MOB4: variants seen among roughly 807,000 people sequenced by gnomAD.
MOB4 encodes MOB family member 4, phocein, also known as MOB-like protein phocein.
MOB4 carries 4 observed loss-of-function variants against 32.2 expected under a neutral mutation model. The observed-to-expected ratio is 0.12, with a 90% confidence interval of 0.06 to 0.28. The LOEUF (loss-of-function observed/expected upper bound fraction) is 0.28. Among genes scored for constraint, MOB4 ranks in the 10% least tolerant of loss-of-function variants. MOB4 has a pLI of 1.00. For missense variants in MOB4, 158 were observed against 271.2 expected (o/e 0.58, Z 2.93); for synonymous variants, 88 against 88.1 (o/e 1.00, Z 0.01).
chr2:197,547,092 A>G (rs926526585), intron 5 of MOB4, among the ~76,000 whole-genome samples: 1 of 152,054 alleles, frequency 6.6e-6, no homozygotes, highest in Non-Finnish European at 1.5e-5. Flanking sequence ...TCTTTTTTTT[A>G]AAGAAAATCG....
intron 3 of MOB4, among the ~76,000 whole-genome samples, chr2:197,537,576 C>A (rs2086823773): frequency 6.6e-6 from 1 of 152,166 alleles, no homozygotes; most frequent in Admixed American, 6.5e-5. Flanking sequence ...TTTCAGGATG[C>A]TAAGACTTCT....
chr2:197,553,436 A>T lies in MOB4; in HGVS notation c.*2790A>T, dbSNP rs1013331786. The T allele has an allele frequency of 6.6e-6, 1 of 152,170 alleles. No individual in the cohort carries two copies. The highest frequency in any genetic ancestry group is 2.4e-5 in the African/African-American group (1 of 41,444). The allele number at this position is 152,170 out of a possible 1,614,324, so 9.4% of individuals were successfully genotyped here. ...TCAAAAACTCCGTCTCAAAAAAAAA[A>T]AATCCTTGATTACATTGTTAGTAAG... On this transcript the variant is annotated 3_prime_UTR_variant, in exon 8 of 8. Transcript: ENST00000323303.
intron 2 of MOB4, among the ~76,000 whole-genome samples, chr2:197,526,399 C>T (rs919711364): frequency 6.6e-6 from 1 of 152,286 alleles, no homozygotes; most frequent in East Asian, 1.9e-4. Flanking sequence ...TCACTGCAGC[C>T]TCTGCCACCT....
At chr2:197,526,690 G>C (rs1280348639) in intron 2 of MOB4, among the ~76,000 whole-genome samples, 1 of 152,058 alleles carries the variant, frequency 6.6e-6, no homozygotes, top group Admixed American at 6.6e-5. Flanking sequence ...GGTTTTCTTT[G>C]GTTGCTCAAC....
chr2:197,518,141 C>T (rs1341665360), intron 1 of MOB4, among the ~76,000 whole-genome samples: 1 of 151,686 alleles, frequency 6.6e-6, no homozygotes, highest in Non-Finnish European at 1.5e-5. Context: ...AACTCGGTCT[C>T]AAACAAACAA....
upstream of MOB4, chr2:197,515,936 T>C (rs774793301): frequency 4.0e-4 from 302 of 756,582 alleles, no homozygotes; most frequent in Non-Finnish European, 6.2e-4. Context: ...CCTAGCCCGC[T>C]TCTACCCGGA....
chr2:197,546,988 G>A (rs1167693049), intron 5 of MOB4, among the ~76,000 whole-genome samples: 1 of 152,208 alleles, frequency 6.6e-6, no homozygotes, highest in Non-Finnish European at 1.5e-5. Flanking sequence ...GCTTATGCCT[G>A]TAAACCCAGC....
chr2:197,538,743 C>T (rs533117759), intron 3 of MOB4, among the ~76,000 whole-genome samples: 1 of 152,226 alleles, frequency 6.6e-6, no homozygotes, highest in Non-Finnish European at 1.5e-5. Context: ...TTGCTTTTGG[C>T]TATAAAAGGG....
At chr2:197,524,334 C>T (rs1333246987) in intron 2 of MOB4, among the ~76,000 whole-genome samples, 3 of 151,810 alleles carry the variant, frequency 2.0e-5, no homozygotes, top group Non-Finnish European at 4.4e-5. Flanking sequence ...ATATCAAGAC[C>T]ATCCTGGCCA....
At chr2:197,540,249 T>C (rs1300886409) in intron 4 of MOB4, 96 bp downstream of exon 4, 14 of 1,501,168 alleles carry the variant, frequency 9.3e-6, no homozygotes, top group Non-Finnish European at 1.1e-5. Context: ...GTATCCACAT[T>C]TCTAACTTTC....
chr2:197,530,965 A>G (rs1165852425), intron 2 of MOB4, among the ~76,000 whole-genome samples: 1 of 151,780 alleles, frequency 6.6e-6, no homozygotes, highest in Non-Finnish European at 1.5e-5. Context: ...ATCTTGTTTG[A>G]TGTTCACTCA....
rs145727163 is a variant in MOB4, at chr2:197,537,784, T to G, written c.224+2154T>G. Among the ~76,000 whole-genome samples the G allele has an allele frequency of 1.5e-3, 232 of 152,342 alleles. 1 individual carries two copies. The highest frequency in any genetic ancestry group is 5.3e-3 in the African/African-American group (221 of 41,574). On this transcript the variant is annotated intron_variant, in intron 3 of 7. Coordinates refer to ENST00000323303, the MANE Select transcript of MOB4 (RefSeq NM_015387.5). ...GAAAATAACTGCTTTCTTATGTTTT[T>G]TTTCTTGAGACAAGAGTCTCGAGTC...
intron 2 of MOB4, among the ~76,000 whole-genome samples, chr2:197,528,336 C>CCTG (rs1435088835): frequency 6.6e-6 from 1 of 151,924 alleles, no homozygotes; most frequent in Non-Finnish European, 1.5e-5. Context: ...TAAATGGGTA[C>CCTG]CTGCGCAGTT....
At position 197,541,850 on chromosome 2, in the gene MOB4, C is replaced by T. The variant is rs190671610; in HGVS notation, c.354+1413C>T. Among the ~76,000 whole-genome samples the T allele has an allele frequency of 3.3e-3, 506 of 151,584 alleles. 9 individuals carry two copies. Among genetic ancestry groups the T allele is most frequent in the East Asian group, 0.03 (155 of 5,154 alleles). The stretch of plus-strand genomic sequence containing the variant: ...AGGAGAATGGCGTGAACCCAGGAGG[C>T]GGAGCTTGCAGTGAGCCGAGATCCC... On this transcript the variant is annotated intron_variant, in intron 5 of 7. Transcript: ENST00000323303.
chr2:197,529,450 C>T (rs1254384860), intron 2 of MOB4, among the ~76,000 whole-genome samples: 4 of 151,952 alleles, frequency 2.6e-5, no homozygotes, highest in African/African-American at 9.7e-5. Context: ...CTCCTGGGTT[C>T]AATCGATTCT....
In MOB4 at chr2:197,552,693, A is replaced by G. The variant is rs2087117384; in HGVS notation, c.*2047A>G. 1 of 152,364 alleles carries G rather than the reference A, an allele frequency of 6.6e-6. No homozygotes were observed. The highest frequency in any genetic ancestry group is 2.4e-5 in the African/African-American group (1 of 41,456). 9.4% of individuals were successfully genotyped at this position (152,364 alleles called of 1,614,324 possible). ...TGTGAAGTTGATTCACTACTATACT[A>G]GGTAAGACCTAAGTGAAACAGTTCC... is the stretch of plus-strand genomic sequence containing the variant. On this transcript the variant is annotated 3_prime_UTR_variant, in exon 8 of 8. Transcript: ENST00000323303.
At chr2:197,545,228 C>T (rs1357860738) in intron 5 of MOB4, among the ~76,000 whole-genome samples, 1 of 152,114 alleles carries the variant, frequency 6.6e-6, no homozygotes, top group Non-Finnish European at 1.5e-5. Flanking sequence ...GGTCCCAGGA[C>T]CCCCATGAAT....
intron 3 of MOB4, among the ~76,000 whole-genome samples, chr2:197,537,915 G>A (rs1203654523): frequency 6.6e-6 from 1 of 152,180 alleles, no homozygotes; most frequent in Middle Eastern, 3.4e-3. Context: ...AAGTAGCTGG[G>A]ACTACAGGCA....
intron 3 of MOB4, among the ~76,000 whole-genome samples, chr2:197,538,953 A>T (rs917575911): frequency 6.6e-5 from 10 of 152,160 alleles, no homozygotes; most frequent in African/African-American, 2.2e-4. Flanking sequence ...TGAAAATTTG[A>T]CCCTTGCCTT....
Sources: allele counts gnomAD v4.1 joint callset (sites outside exome capture counted in the v4.1 genomes callset), GRCh38; gene constraint gnomAD v4.1.1; transcripts MANE v1.5; gene names NCBI Gene and HGNC (gene_info 2026-07-23, HGNC 2026-07-21).